F8: variants seen among roughly 807,000 people sequenced by gnomAD.
F8 encodes antihemophilic factor.
Under a neutral mutation model 140.6 loss-of-function variants are expected in F8, and 12 were observed. The ratio of observed to expected loss-of-function variants is 0.09; its 90% CI spans 0.05 to 0.14. The LOEUF is 0.14. Among genes scored for constraint, F8 ranks in the 10% least tolerant of loss-of-function variants. The pLI is 1.00. For synonymous variants in F8, 585 were observed against 614.6 expected, an observed-to-expected ratio of 0.95 and a Z score of 0.71; for missense variants, 1,354 against 1,720.7, an observed-to-expected ratio of 0.79 and a Z score of 3.77.
At chrX:154,870,733 A>G (rs1557273533) in intron 22 of F8, among the ~76,000 whole-genome samples, 1 of 111,654 alleles carries the variant, frequency 9.0e-6, no homozygotes, top group Non-Finnish European at 1.9e-5. Context: ...AGGGTATTCA[A>G]ATAGGAAAAG....
chrX:154,992,032 G>A (rs1217128467), intron 4 of F8, among the ~76,000 whole-genome samples: 1 of 112,072 alleles, frequency 8.9e-6, no homozygotes, highest in Non-Finnish European at 1.9e-5. Flanking sequence ...CATATAAGAA[G>A]TCTGGCTACC....
At chrX:154,854,284 G>C (rs181811432) in intron 25 of F8, among the ~76,000 whole-genome samples, 8 of 112,306 alleles carry the variant, frequency 7.1e-5, no homozygotes. Context: ...GGTAGACTAA[G>C]TAAAGCAGAT....
At chrX:154,854,203 C>T (rs2072635144) in intron 25 of F8, among the ~76,000 whole-genome samples, 1 of 111,965 alleles carries the variant, frequency 8.9e-6, no homozygotes, top group African/African-American at 3.2e-5. Flanking sequence ...ATGGGGTGCC[C>T]ATATATTTGA....
At chrX:154,970,048 A>G (rs782044340) in intron 6 of F8, among the ~76,000 whole-genome samples, 1 of 112,489 alleles carries the variant, frequency 8.9e-6, no homozygotes, top group South Asian at 3.7e-4. Context: ...GAATGGCAGC[A>G]TCCTGCATTT....
At chrX:154,919,076 T>C (rs903727218) in intron 14 of F8, 1 of 111,448 alleles carries the variant, frequency 9.0e-6, no homozygotes, top group Non-Finnish European at 1.9e-5. Flanking sequence ...ACGTTGATGA[T>C]AGTGACATGA....
intron 22 of F8, among the ~76,000 whole-genome samples, chrX:154,870,644 G>C (rs1213030254): frequency 9.0e-6 from 1 of 111,669 alleles, no homozygotes; most frequent in Non-Finnish European, 1.9e-5. Context: ...CACAAGACAG[G>C]GATGCCCTCT....
chrX:155,021,679 G>A (rs782104253), intron 1 of F8, among the ~76,000 whole-genome samples: 1 of 111,286 alleles, frequency 9.0e-6, no homozygotes, highest in African/African-American at 3.3e-5. Context: ...TACAACATAA[G>A]GAATGAAAAA....
At chrX:154,943,136 C>T (rs1486396744) in intron 13 of F8, among the ~76,000 whole-genome samples, 2 of 111,953 alleles carry the variant, frequency 1.8e-5, no homozygotes, top group African/African-American at 6.5e-5. Flanking sequence ...CTCACCTTTC[C>T]TATTCAACAT....
At chrX:154,945,424 C>T (rs1250289475) in intron 13 of F8, among the ~76,000 whole-genome samples, 1 of 111,740 alleles carries the variant, frequency 8.9e-6, no homozygotes, top group Non-Finnish European at 1.9e-5. Context: ...GGGGATTCAT[C>T]CCAGGGATGC....
intron 13 of F8, among the ~76,000 whole-genome samples, chrX:154,947,224 GAAAAAA>G (rs781928603): frequency 5.6e-5 from 1 of 17,855 alleles, no homozygotes; most frequent in African/African-American, 2.3e-4. Flanking sequence ...GACTCCGTCT[GAAAAAA>G]AAAAAAAAAA....
At chrX:154,990,515 C>T (rs959004986) in intron 4 of F8, among the ~76,000 whole-genome samples, 5 of 111,831 alleles carry the variant, frequency 4.5e-5, no homozygotes, top group Non-Finnish European at 7.5e-5. Context: ...ATTGTATCTA[C>T]CATACATTAA....
At chrX:154,917,671 T>A (rs1172240841) in intron 14 of F8, among the ~76,000 whole-genome samples, 1 of 112,236 alleles carries the variant, frequency 8.9e-6, no homozygotes, top group Non-Finnish European at 1.9e-5. Context: ...AGCCTGTCTT[T>A]GAGCTCATTG....
At chrX:154,897,043 C>T (rs1569559480) in intron 21 of F8, among the ~76,000 whole-genome samples, 2 of 112,219 alleles carry the variant, frequency 1.8e-5, no homozygotes, top group Non-Finnish European at 3.8e-5. Context: ...ACTAAACACT[C>T]AATCAATGTT....
intron 22 of F8, among the ~76,000 whole-genome samples, chrX:154,867,838 C>A (rs962910731): frequency 9.0e-6 from 1 of 110,844 alleles, no homozygotes; most frequent in Admixed American, 9.6e-5. Context: ...AAGGATCATT[C>A]ATCATGAACA....
At chrX:154,867,919 A>G (rs920906113) in intron 22 of F8, among the ~76,000 whole-genome samples, 2 of 111,006 alleles carry the variant, frequency 1.8e-5, no homozygotes, top group African/African-American at 6.5e-5. Context: ...ATACCACATT[A>G]TCAGAATGAA....
intron 6 of F8, among the ~76,000 whole-genome samples, chrX:154,969,965 A>G (rs781936906): frequency 9.0e-6 from 1 of 111,655 alleles, no homozygotes; most frequent in South Asian, 3.8e-4. Flanking sequence ...AGATATCTCA[A>G]AAAACCCACA....
rs1557278552 is a variant in F8, at chrX:154,929,925, T to C, written c.3865A>G (p.Lys1289Glu). The C allele has an allele frequency of 5.8e-6, 7 of 1,209,846 alleles. No homozygotes were observed. Among genetic ancestry groups the C allele is most frequent in the Non-Finnish European group, 7.8e-6 (7 of 895,175 alleles). ...RTKKHTAHFSKKGEEENLEGL... is the reference protein window; with the variant it reads ...RTKKHTAHFSEKGEEENLEGL... The stretch of plus-strand genomic sequence containing the variant: ...TCCAAGTTTTCTTCCTCCCCTTTTT[T>C]TGAGAAATGAGCTGTGTGTTTCTTT... The change falls in exon 14 of 26, where the codon AAA (lysine) becomes GAA (glutamate). Residue 1289 changes from lysine to glutamate, a missense_variant. Physicochemically the swap from Lys to Glu is moderately conservative, Grantham distance 56 (BLOSUM62 1). Coordinates refer to ENST00000360256, the MANE Select transcript of F8 (RefSeq NM_000132.4).
At chrX:154,955,016 C>T (rs1328623642) in intron 11 of F8, among the ~76,000 whole-genome samples, 2 of 110,137 alleles carry the variant, frequency 1.8e-5, no homozygotes, top group East Asian at 2.8e-4. Flanking sequence ...ATTCTGGGGC[C>T]GAGCAATGAG....
At chrX:154,892,253 G>A (rs1171413861) in intron 22 of F8, among the ~76,000 whole-genome samples, 4 of 112,583 alleles carry the variant, frequency 3.6e-5, no homozygotes, top group African/African-American at 1.3e-4. Context: ...CATGCATCCT[G>A]ATTTTCCATG....
Sources: gnomAD v4.1 joint callset for allele counts (sites outside exome capture counted in the v4.1 genomes callset) on GRCh38, gnomAD v4.1.1 for gene constraint, MANE v1.5 for transcripts, NCBI Gene and HGNC (gene_info 2026-07-23, HGNC 2026-07-21) for gene names.